The following CEP164 variants were observed in gnomAD, a reference collection of about 807,000 sequenced individuals.
CEP164 encodes the protein centrosomal protein of 164 kDa.
In CEP164, 162 loss-of-function variants were observed where a neutral mutation model predicts 182.7. The observed-to-expected ratio is 0.89, with a 90% CI of 0.78 to 1.01. The LOEUF is 1.01. Among genes scored for constraint, CEP164 ranks in the 50% least tolerant of loss-of-function variants. CEP164 has a pLI of 0.00. For synonymous variants in CEP164, 661 were observed against 690.0 expected, an observed-to-expected ratio of 0.96 and a Z score of 0.66; for missense variants, 1,735 against 1,790.4, an observed-to-expected ratio of 0.97 and a Z score of 0.56.
chr11:117,322,719 C>T (rs1217889139), intron 1 of CEP164, among the ~76,000 whole-genome samples: 1 of 143,520 alleles, frequency 7.0e-6, no homozygotes, highest in Non-Finnish European at 1.5e-5. Context: ...CCACGCCTGG[C>T]ATATTTTGTG....
chr11:117,352,244 TGA>T (rs1025106797), intron 5 of CEP164, among the ~76,000 whole-genome samples: 5 of 152,238 alleles, frequency 3.3e-5, no homozygotes, highest in South Asian at 4.1e-4. Flanking sequence ...ATAGGATTGA[TGA>T]GAGAGAGTGC....
At chr11:117,332,003 T>TATATATATATA (rs1555078540) in intron 1 of CEP164, among the ~76,000 whole-genome samples, 3 of 149,354 alleles carry the variant, frequency 2.0e-5, no homozygotes, top group African/African-American at 7.4e-5. Flanking sequence ...TATATATATA[T>TATATATATATA]TTGTGGAGAC....
chr11:117,392,936 G>T, intron 19 of CEP164, 68 bp from the exon 20 acceptor site: 1 of 1,601,954 alleles, frequency 6.2e-7, no homozygotes, highest in Admixed American at 1.7e-5. Context: ...AGACCTTCAG[G>T]TGCAGCAGGC....
upstream of CEP164, among the ~76,000 whole-genome samples, chr11:117,325,577 G>A (rs1452970789): frequency 6.6e-6 from 1 of 151,558 alleles, no homozygotes; most frequent in Non-Finnish European, 1.5e-5. Flanking sequence ...GTGGAGATGG[G>A]GTTTCACCAT....
At chr11:117,333,569 C>T (rs1283796520) in intron 1 of CEP164, among the ~76,000 whole-genome samples, 1 of 152,190 alleles carries the variant, frequency 6.6e-6, no homozygotes, top group African/African-American at 2.4e-5. Context: ...TGCTCTGTCA[C>T]TGAGCCTGGA....
At position 117,387,420 on chromosome 11, in the gene CEP164, C is replaced by A; in HGVS notation, c.1934+8C>A. ...GAAAGAGCAATCTCTCAGGTCCTGC[C>A]CTTCCCCTTAGGCATGCTTCCTGGG... On this transcript the variant is annotated splice_region_variant and intron_variant, in intron 15 of 32. Transcript: ENST00000278935. 1 of 1,613,704 alleles carries A rather than the reference C, an allele frequency of 6.2e-7. No individual in the cohort carries two copies. Among genetic ancestry groups the A allele is most frequent in the Non-Finnish European group, 8.5e-7 (1 of 1,179,826 alleles).
At chr11:117,406,096 C>T (rs1157245475) in intron 27 of CEP164, among the ~76,000 whole-genome samples, 2 of 152,220 alleles carry the variant, frequency 1.3e-5, no homozygotes, top group Admixed American at 1.3e-4. Context: ...CAACACCCCA[C>T]TCCTGGTACC....
chr11:117,360,748 T>A (rs529171698), intron 5 of CEP164, among the ~76,000 whole-genome samples: 19 of 152,286 alleles, frequency 1.2e-4, no homozygotes, highest in Admixed American at 9.8e-4. Context: ...TAAGAAAGTA[T>A]AGCACTTCAC....
intron 4 of CEP164, among the ~76,000 whole-genome samples, chr11:117,346,247 T>G (rs993640869): frequency 1.3e-5 from 2 of 151,898 alleles, no homozygotes; most frequent in African/African-American, 4.8e-5. Flanking sequence ...TTTTTTATCC[T>G]GTAAGGAGAG....
In CEP164 at chr11:117,409,516, AG is replaced by A; in HGVS notation, c.3749-99del. On this transcript the variant is annotated intron_variant, in intron 29 of 32. Coordinates refer to ENST00000278935, the MANE Select transcript of CEP164 (RefSeq NM_014956.5). The surrounding 1 kb of genome is among the most constrained non-coding windows in gnomAD (Gnocchi z 4.4). ...TTGAGGGGCTGTTGTCTGGAGAAGCAGGGAGGGGTGGCCAGTAGGGTCCTCC... is the reference window on the plus strand; with the variant it reads ...TTGAGGGGCTGTTGTCTGGAGAAGCAGGAGGGGTGGCCAGTAGGGTCCTCC... 1 of 1,015,072 alleles carries A rather than the reference AG, an allele frequency of 9.9e-7. No individual in the cohort carries two copies. Among genetic ancestry groups the A allele is most frequent in the Non-Finnish European group, 1.5e-6 (1 of 683,108 alleles). The allele number at this position is 1,015,072 out of a possible 1,614,324, so 62.9% of individuals were successfully genotyped here.
chr11:117,378,976 C>CT (rs2043033121), intron 11 of CEP164, among the ~76,000 whole-genome samples: 1 of 152,142 alleles, frequency 6.6e-6, no homozygotes, highest in Non-Finnish European at 1.5e-5. Context: ...CATTACTCAT[C>CT]TTATATTTTA....
At position 117,411,493 on chromosome 11, in the gene CEP164, T is replaced by C. The variant is rs1468685586; in HGVS notation, c.4164-302T>C. ...CTTGAGAGCTGATGCTGGCCAAGGATTGAGTTGACAGAGGGGAGCGCTTTG... is the reference window on the plus strand; with the variant it reads ...CTTGAGAGCTGATGCTGGCCAAGGACTGAGTTGACAGAGGGGAGCGCTTTG... On this transcript the variant is annotated intron_variant, in intron 31 of 32. Transcript: ENST00000278935. This position sits in a 1 kb window ranked among gnomAD's most constrained non-coding sequence, Gnocchi z 4.4. 5 of 347,812 alleles carry C rather than the reference T, an allele frequency of 1.4e-5. No individual in the cohort carries two copies. The highest frequency in any genetic ancestry group is 1.6e-5 in the Non-Finnish European group (3 of 186,418). The allele number at this position is 347,812 out of a possible 1,614,324, so 21.5% of individuals were successfully genotyped here. A position where few individuals can be genotyped will look rare whatever the true frequency, so the allele number is the denominator to read the frequency against.
chr11:117,369,373 A>G (rs905295931), intron 8 of CEP164, among the ~76,000 whole-genome samples: 5 of 152,244 alleles, frequency 3.3e-5, no homozygotes, highest in Non-Finnish European at 5.9e-5. Flanking sequence ...GCCTAAGGTC[A>G]CACATCTGTA....
chr11:117,412,299 C>A lies in CEP164; in HGVS notation c.*131C>A. On this transcript the variant is annotated 3_prime_UTR_variant, in exon 33 of 33. Coordinates refer to ENST00000278935, the MANE Select transcript of CEP164 (RefSeq NM_014956.5). ...TTTGACTTGCAGGAGCCACCAGGGACCAGGGGGTTGAGTGGAACAGTAAAG... is the reference window on the plus strand; with the variant it reads ...TTTGACTTGCAGGAGCCACCAGGGAACAGGGGGTTGAGTGGAACAGTAAAG... The A allele has an allele frequency of 1.4e-6, 1 of 728,084 alleles. No homozygotes were observed. The allele number at this position is 728,084 out of a possible 1,614,324, so 45.1% of individuals were successfully genotyped here.
intron 4 of CEP164, among the ~76,000 whole-genome samples, chr11:117,346,447 C>A (rs530688614): frequency 6.6e-6 from 1 of 151,592 alleles, no homozygotes; most frequent in Non-Finnish European, 1.5e-5. Context: ...TTAGTAGGGA[C>A]GGGGTTTCGC....
In CEP164 at chr11:117,351,850, C is replaced by T; in HGVS notation, c.255C>T (p.Asp85=). 1.2e-6 allele frequency: 2 copies of T among 1,613,858 alleles called. No homozygotes were observed. Among genetic ancestry groups the T allele is most frequent in the East Asian group, 2.2e-5 (1 of 44,878 alleles). Residue 85 remains aspartate (D), a synonymous_variant, in exon 5 of 33, where the codon GAC becomes GAT. Transcript: ENST00000278935. ...FNFANGQSMW[D]HPCDEHYRSL... ...TCGCCAACGGGCAGTCTATGTGGGA[C>T]CATCCATGTGACGAACACTATCGGA...
At chr11:117,388,873 C>T (rs1175647104) in intron 15 of CEP164, among the ~76,000 whole-genome samples, 1 of 151,684 alleles carries the variant, frequency 6.6e-6, no homozygotes, top group Non-Finnish European at 1.5e-5. Flanking sequence ...TCACGCCATT[C>T]TCCTGCCTCA....
chr11:117,334,866 C>T (rs569574851), intron 1 of CEP164, among the ~76,000 whole-genome samples: 1 of 152,036 alleles, frequency 6.6e-6, no homozygotes, highest in South Asian at 2.1e-4. Context: ...CAGAGACTAC[C>T]TGTCCTGTGC....
intron 27 of CEP164, among the ~76,000 whole-genome samples, chr11:117,405,809 T>C (rs745488600): frequency 5.3e-5 from 8 of 152,372 alleles, no homozygotes; most frequent in Non-Finnish European, 1.2e-4. Context: ...TCTCTAGGGC[T>C]GGAGCAAAAT....
Sources: allele counts gnomAD v4.1 joint callset (sites outside exome capture counted in the v4.1 genomes callset), GRCh38; gene constraint gnomAD v4.1.1; non-coding constraint Gnocchi (gnomAD v3.1); transcripts MANE v1.5; gene names NCBI Gene and HGNC (gene_info 2026-07-23, HGNC 2026-07-21).